SLC22A25: variants seen among roughly 807,000 people sequenced by gnomAD.
SLC22A25 encodes the protein MGI:2442751, MGI:2385316, MGI:3042283, MGI:3645714, MGI:3605624, MGI:2442750.
A neutral mutation model predicts 45.9 loss-of-function variants in SLC22A25; 44 were observed. The observed-to-expected ratio is 0.96, with a 90% confidence interval of 0.75 to 1.23. The LOEUF (loss-of-function observed/expected upper bound fraction) is 1.23. Among genes scored for constraint, SLC22A25 ranks in the 50% most tolerant of loss-of-function variants. The pLI, the probability that SLC22A25 is intolerant of heterozygous loss-of-function variation, is 0.00. For missense variants in SLC22A25, 800 were observed against 666.4 expected, an observed-to-expected ratio of 1.20 and a Z score of -2.21; for synonymous variants, 283 against 238.6, an observed-to-expected ratio of 1.19 and a Z score of -1.72.
In SLC22A25 at chr11:63,162,247, C is replaced by T. The variant is rs1400039784; in HGVS notation, c.*1577G>A. ...TTTACTTTGTTGAATGTATCCTTTG[C>T]TGTGCAGAAGTTTTTTAACTTGCTG... On this transcript the variant is annotated 3_prime_UTR_variant, in exon 12 of 12. Transcript: ENST00000306494. Among the ~76,000 whole-genome samples, 1 of 152,116 alleles carries T rather than the reference C, an allele frequency of 6.6e-6. No individual in the cohort carries two copies. The highest frequency in any genetic ancestry group is 2.4e-5 in the African/African-American group (1 of 41,430).
At chr11:63,183,568 C>T (rs556128711) in intron 8 of SLC22A25, 126 bp downstream of exon 8, 31 of 1,199,192 alleles carry the variant, frequency 2.6e-5, no homozygotes, top group Middle Eastern at 2.0e-4. Flanking sequence ...TGAGAATGAT[C>T]GTGAGGTGAG....
At chr11:63,188,015 T>C (rs954313255) in intron 7 of SLC22A25, among the ~76,000 whole-genome samples, 8 of 152,332 alleles carry the variant, frequency 5.3e-5, no homozygotes, top group Admixed American at 3.3e-4. Context: ...TCTTTTTTTA[T>C]TGTGTCTCTG....
At position 63,163,984 on chromosome 11, in the gene SLC22A25, G is replaced by A; in HGVS notation, c.1484C>T (p.Pro495Leu). The A allele has an allele frequency of 6.2e-7, 1 of 1,613,892 alleles. No homozygotes were observed. Among genetic ancestry groups the A allele is most frequent in the African/African-American group, 1.3e-5 (1 of 75,016 alleles). The change falls in exon 12 of 12, where the codon CCC (proline) becomes CTC (leucine). Residue 495 changes from proline (P) to leucine (L), a missense_variant. Physicochemically the swap from Pro to Leu is moderately conservative, Grantham distance 98. Coordinates refer to ENST00000306494, the MANE Select transcript of SLC22A25 (RefSeq NM_199352.6). ...LMMILSIYSR[P>L]LPWIIYGVFA... The stretch of plus-strand genomic sequence containing the variant: ...GACTCCATAGATGATCCAGGGCAGG[G>A]GTCGAGAATATATGCTTAGGATCAT...
chr11:63,190,641 G>GT (rs35402532), intron 7 of SLC22A25, among the ~76,000 whole-genome samples: 6 of 151,326 alleles, frequency 4.0e-5, no homozygotes, highest in Non-Finnish European at 8.8e-5. Flanking sequence ...AGAGTTTCCA[G>GT]TTTTTTTTAC....
At chr11:63,197,099 TAAAAG>T (rs2089066180) in intron 7 of SLC22A25, among the ~76,000 whole-genome samples, 1 of 151,948 alleles carries the variant, frequency 6.6e-6, no homozygotes, top group Non-Finnish European at 1.5e-5. Flanking sequence ...CTCAACGAAA[TAAAAG>T]AGGACACAAA....
rs2088929907 is a variant in SLC22A25, at chr11:63,194,467, CT to C, written c.831-10651del. Among the ~76,000 whole-genome samples the C allele has an allele frequency of 6.6e-5, 10 of 152,038 alleles. No homozygotes were observed. The East Asian group carries it at 1.9e-3, about 29-fold the overall frequency. On this transcript the variant is annotated intron_variant, in intron 7 of 11. Transcript: ENST00000306494. Reference sequence around the variant, plus strand: ...GAATTTCATATGCAGCCAAACTAAGCTTCATAAGTGAAGGAGACATAAAATC... The same window carrying C: ...GAATTTCATATGCAGCCAAACTAAGCTCATAAGTGAAGGAGACATAAAATC...
At position 63,186,314 on chromosome 11, in the gene SLC22A25, C is replaced by G. The variant is rs28833177; in HGVS notation, c.831-2497G>C. On this transcript the variant is annotated intron_variant, in intron 7 of 11. Coordinates refer to ENST00000306494, the MANE Select transcript of SLC22A25 (RefSeq NM_199352.6). Reference sequence around the variant, plus strand: ...GGCCAGTGATTATGAGCATTTTTTCCTGTGTCTTTTGGCTGCATAAATGTC... The same window carrying G: ...GGCCAGTGATTATGAGCATTTTTTCGTGTGTCTTTTGGCTGCATAAATGTC... Among the ~76,000 whole-genome samples the G allele has an allele frequency of 2.6e-3, 386 of 149,440 alleles. 7 individuals are homozygous for G. The highest frequency in any genetic ancestry group is 8.6e-3 in the African/African-American group (350 of 40,896).
Position 63,243,553 on chromosome 11 carries a change from G to T in SLC22A25, c.-1115C>A, listed in dbSNP as rs2090286952. ...CCAGCCCACTGACTGCCAAAAAGCT[G>T]TGCATTTATACCGACAACTCCATCA... On this transcript the variant is annotated 5_prime_UTR_variant, in exon 1 of 12. Transcript: ENST00000306494. 2.6e-6 allele frequency: 2 copies of T among 763,244 alleles called. No homozygotes were observed. Among genetic ancestry groups the T allele is most frequent in the Non-Finnish European group, 4.9e-6 (2 of 408,714 alleles). The allele number at this position is 763,244 out of a possible 1,614,324, so 47.3% of individuals were successfully genotyped here.
At position 63,183,929 on chromosome 11, in the gene SLC22A25, G is replaced by A. The variant is rs1160721364; in HGVS notation, c.831-112C>T. ...TAAGCTAATACCCACCTCTTGTTTG[G>A]TTATACCAGGAAATAAAAGCCTACA... On this transcript the variant is annotated intron_variant, in intron 7 of 11. Transcript: ENST00000306494. The A allele has an allele frequency of 3.5e-6, 5 of 1,435,824 alleles. No homozygotes were observed. The African/African-American group carries it at 4.3e-5, about 12-fold the overall frequency. The allele number at this position is 1,435,824 out of a possible 1,614,324, so 88.9% of individuals were successfully genotyped here.
chr11:63,183,970 A>G (rs1367938582), intron 7 of SLC22A25, among the ~76,000 whole-genome samples, 153 bp from the exon 8 acceptor site: 1 of 152,090 alleles, frequency 6.6e-6, no homozygotes, highest in Non-Finnish European at 1.5e-5. Flanking sequence ...TTGTGCCATC[A>G]CCAGGAAAAT....
intron 7 of SLC22A25, among the ~76,000 whole-genome samples, chr11:63,190,093 C>T (rs181838423): frequency 7.8e-4 from 118 of 152,242 alleles, no homozygotes; most frequent in African/African-American, 2.7e-3. Flanking sequence ...TGTTGGCCTG[C>T]CTTGCTAGAT....
chr11:63,188,654 A>G (rs548101535), intron 7 of SLC22A25, among the ~76,000 whole-genome samples: 103 of 151,944 alleles, frequency 6.8e-4, no homozygotes, highest in South Asian at 2.5e-3. Flanking sequence ...TCAATTTTGG[A>G]TCTTTCCTGC....
At chr11:63,183,853 C>T in intron 7 of SLC22A25, 36 bp from the exon 8 acceptor site, 1 of 1,611,028 alleles carries the variant, frequency 6.2e-7, no homozygotes, top group Non-Finnish European at 8.5e-7. Context: ...CAGCCAACCA[C>T]TACTTACTCA....
chr11:63,213,245 C>T (rs1247484669), intron 7 of SLC22A25, among the ~76,000 whole-genome samples: 1 of 152,146 alleles, frequency 6.6e-6, no homozygotes, highest in Non-Finnish European at 1.5e-5. Context: ...GAGAGCCCCT[C>T]CTATGGGAAA....
At position 63,163,988 on chromosome 11, in the gene SLC22A25, G is replaced by A. The variant is rs763434930; in HGVS notation, c.1480C>T (p.Arg494Ter). 64 of 1,613,760 alleles carry A rather than the reference G, an allele frequency of 4.0e-5. No homozygotes were observed. Among genetic ancestry groups the A allele is most frequent in the Non-Finnish European group, 4.9e-5 (58 of 1,179,888 alleles). ...CCATAGATGATCCAGGGCAGGGGTC[G>A]AGAATATATGCTTAGGATCATCATG... ...SLMMILSIYS[R>*]PLPWIIYGVF... The change falls in exon 12 of 12, where the codon CGA becomes TGA. Residue 494 changes from arginine to a stop codon, truncating the protein, a stop_gained. Coordinates refer to ENST00000306494, the MANE Select transcript of SLC22A25 (RefSeq NM_199352.6). LOFTEE classifies it low-confidence loss of function (END_TRUNC).
In SLC22A25 at chr11:63,238,757, C is replaced by A. The variant is rs542691775; in HGVS notation, c.-617G>T. 15 of 216,774 alleles carry A rather than the reference C, an allele frequency of 6.9e-5. No homozygotes were observed. The East Asian group carries it at 1.7e-3, about 24-fold the overall frequency. 13.4% of individuals were successfully genotyped at this position (216,774 alleles called of 1,614,324 possible). A position where few individuals can be genotyped will look rare whatever the true frequency, so the allele number is the denominator to read the frequency against. The stretch of plus-strand genomic sequence containing the variant: ...GAGAGGAAGGAGCTTCTGTTGTACA[C>A]CCTGCTGTCCACACACGGTTCCATG... On this transcript the variant is annotated 5_prime_UTR_variant, in exon 2 of 12. Transcript: ENST00000306494.
At chr11:63,181,528 G>T (rs1487241216) in intron 8 of SLC22A25, among the ~76,000 whole-genome samples, 1 of 151,686 alleles carries the variant, frequency 6.6e-6, no homozygotes, top group Admixed American at 6.6e-5. Context: ...TGATGAGAAT[G>T]ATGGATGAAG....
chr11:63,177,842 T>C (rs1334904437), intron 9 of SLC22A25, among the ~76,000 whole-genome samples: 2 of 115,364 alleles, frequency 1.7e-5, no homozygotes, highest in Admixed American at 2.1e-4. Context: ...ATAATGTGTA[T>C]ATATATATAA....
chr11:63,177,489 A>G (rs1223585137), intron 9 of SLC22A25, among the ~76,000 whole-genome samples: 1 of 151,786 alleles, frequency 6.6e-6, no homozygotes, highest in Non-Finnish European at 1.5e-5. Flanking sequence ...TTTTACTGAA[A>G]ACTAGATCTT....
Sources: allele counts gnomAD v4.1 joint callset (sites outside exome capture counted in the v4.1 genomes callset), GRCh38; gene constraint gnomAD v4.1.1; transcripts MANE v1.5; gene names NCBI Gene and HGNC (gene_info 2026-07-23, HGNC 2026-07-21).